ILKAP: variants seen among roughly 807,000 people sequenced by gnomAD.
ILKAP encodes the protein ILK associated serine/threonine phosphatase.
Under a neutral mutation model 49.1 loss-of-function variants are expected in ILKAP, and 11 were observed. The observed-to-expected ratio is 0.22, with a 90% CI of 0.14 to 0.37. The LOEUF (loss-of-function observed/expected upper bound fraction) is 0.37. ILKAP is among the 10% of genes least tolerant of loss of function. The pLI is 1.00. For missense variants in ILKAP, 363 were observed against 510.8 expected, an observed-to-expected ratio of 0.71 and a Z score of 2.79; for synonymous variants, 186 against 192.8, an observed-to-expected ratio of 0.96 and a Z score of 0.29.
chr2:238,170,488 G>A lies in ILKAP; in HGVS notation c.*48C>T. 6.5e-7 allele frequency: 1 copy of A among 1,544,904 alleles called. No homozygotes were observed. The highest frequency in any genetic ancestry group is 8.8e-7 in the Non-Finnish European group (1 of 1,140,208). ...CACACAATGTGCACACACACAAAAT[G>A]AACCTTTTAAGTCAATACCATGCGT... On this transcript the variant is annotated 3_prime_UTR_variant, in exon 12 of 12. Coordinates refer to ENST00000254654, the MANE Select transcript of ILKAP (RefSeq NM_030768.3).
rs1254975008 is a variant in ILKAP at position 238,183,790 on chromosome 2, T to C, written c.627-50A>G. On this transcript the variant is annotated intron_variant, in intron 7 of 11. Transcript: ENST00000254654. ...CAGTCACCACCAATAGCCCAGCACT[T>C]TGAGACTAATTTCCAGAGCTCAATG... The C allele has an allele frequency of 1.2e-5, 16 of 1,352,004 alleles. No homozygotes were observed. In the African/African-American group the frequency reaches 1.9e-4, roughly 16 times the overall value. 83.8% of individuals were successfully genotyped at this position (1,352,004 alleles called of 1,614,324 possible).
At chr2:238,175,608 G>A (rs1693415703) in intron 9 of ILKAP, among the ~76,000 whole-genome samples, 1 of 152,168 alleles carries the variant, frequency 6.6e-6, no homozygotes, top group Non-Finnish European at 1.5e-5. Flanking sequence ...CAATCACAGA[G>A]TCCCATCTCT....
At chr2:238,178,422 G>A (rs1253661370) in intron 9 of ILKAP, among the ~76,000 whole-genome samples, 3 of 152,138 alleles carry the variant, frequency 2.0e-5, no homozygotes, top group African/African-American at 4.8e-5. Context: ...CTCCTGACGT[G>A]GAGCGATCCT....
intron 1 of ILKAP, 96 bp downstream of exon 1, chr2:238,203,379 GCAGCCCGCGCCGCCCGCCGCCTCC>G (rs1298965524): frequency 2.4e-5 from 7 of 289,000 alleles, no homozygotes; most frequent in Non-Finnish European, 3.9e-5. Flanking sequence ...CAGGCCCCGT[GCAGCCCGCGCCGCCCGCCGCCTCC>G]CAGCGCGGGC....
intron 1 of ILKAP, among the ~76,000 whole-genome samples, chr2:238,197,022 C>A (rs1481086516): frequency 6.6e-6 from 1 of 152,148 alleles, no homozygotes; most frequent in African/African-American, 2.4e-5. Flanking sequence ...CATGGTGAAA[C>A]CCTGTCTCTC....
At chr2:238,196,043 C>CAAAAAAAA (rs71043116) in intron 1 of ILKAP, among the ~76,000 whole-genome samples, 10 of 67,840 alleles carry the variant, frequency 1.5e-4, no homozygotes, top group African/African-American at 2.5e-4. Context: ...GACTCTGTCA[C>CAAAAAAAA]AAAAAAAAAA....
At chr2:238,174,485 T>C (rs556962524) in intron 9 of ILKAP, among the ~76,000 whole-genome samples, 22 of 152,338 alleles carry the variant, frequency 1.4e-4, no homozygotes, top group African/African-American at 5.3e-4. Context: ...ATGCCACGGC[T>C]GCGCATGGGC....
At chr2:238,187,523 A>G (rs751105463) in intron 5 of ILKAP, among the ~76,000 whole-genome samples, 13 of 152,054 alleles carry the variant, frequency 8.5e-5, no homozygotes, top group Non-Finnish European at 1.5e-4. Context: ...CAGGCCCAAG[A>G]GCTTATCCAG....
At chr2:238,183,136 C>A (rs1693765078) in intron 8 of ILKAP, among the ~76,000 whole-genome samples, 1 of 152,162 alleles carries the variant, frequency 6.6e-6, no homozygotes, top group Non-Finnish European at 1.5e-5. Flanking sequence ...ACGACTGTCA[C>A]CAGGGGGAAC....
intron 1 of ILKAP, among the ~76,000 whole-genome samples, chr2:238,203,073 G>A (rs1694639466): frequency 6.6e-6 from 1 of 151,844 alleles, no homozygotes; most frequent in Non-Finnish European, 1.5e-5. Context: ...ACAGCCCGCG[G>A]GTGAAGTGCG....
At chr2:238,184,481 C>A in intron 6 of ILKAP, among the ~76,000 whole-genome samples, 1 of 152,168 alleles carries the variant, frequency 6.6e-6, no homozygotes. Flanking sequence ...GTCACCAGGG[C>A]TGGCCATTTT....
rs1693366435 is a variant in ILKAP at position 238,174,579 on chromosome 2, T to C, written c.837-926A>G. Among the ~76,000 whole-genome samples, 3 of 152,174 alleles carry C rather than the reference T, an allele frequency of 2.0e-5. 1 individual carries two copies. The South Asian group carries it at 6.2e-4, about 32-fold the overall frequency. ...GCAGATGGCTGCACATGGTAGGAAATGCTTCCTGGGCTGCTGTCCTAAAGG... is the reference window on the plus strand; with the variant it reads ...GCAGATGGCTGCACATGGTAGGAAACGCTTCCTGGGCTGCTGTCCTAAAGG... On this transcript the variant is annotated intron_variant, in intron 9 of 11. Transcript: ENST00000254654.
In ILKAP at chr2:238,173,579, G is replaced by GTGA. The variant is rs1278220992; in HGVS notation, c.908_910dup (p.Val303_Thr304insIle). ...GCAGCGTCTGATGTCGGGCACAGAG[G>GTGA]TGACACCGCAGCGCTTGTACTGCCC... On this transcript the variant is annotated inframe_insertion, in exon 10 of 12. Coordinates refer to ENST00000254654, the MANE Select transcript of ILKAP (RefSeq NM_030768.3). 2 of 1,614,014 alleles carry GTGA rather than the reference G, an allele frequency of 1.2e-6. No homozygotes were observed. Among genetic ancestry groups the GTGA allele is most frequent in the Non-Finnish European group, 1.7e-6 (2 of 1,179,918 alleles).
At chr2:238,198,672 A>G (rs1422950979) in intron 1 of ILKAP, among the ~76,000 whole-genome samples, 1 of 152,208 alleles carries the variant, frequency 6.6e-6, no homozygotes, top group African/African-American at 2.4e-5. Context: ...CCTAATAAGA[A>G]TACAAGACTA....
chr2:238,178,765 T>C (rs59010080), intron 9 of ILKAP, among the ~76,000 whole-genome samples: 1 of 151,774 alleles, frequency 6.6e-6, no homozygotes, highest in East Asian at 1.9e-4. Context: ...TTTAAAAAAA[T>C]TTATTCCCTA....
chr2:238,186,115 T>C (rs1483461370), intron 5 of ILKAP: 2 of 152,222 alleles, frequency 1.3e-5, no homozygotes, highest in African/African-American at 4.8e-5. Flanking sequence ...TTAACAGAAA[T>C]GCATTGTTAG....
In ILKAP at chr2:238,173,574, C is replaced by T. The variant is rs150772419; in HGVS notation, c.916G>A (p.Val306Met). ...AGCTGGCAGCGTCTGATGTCGGGCACAGAGGTGACACCGCAGCGCTTGTAC... is the reference window on the plus strand; with the variant it reads ...AGCTGGCAGCGTCTGATGTCGGGCATAGAGGTGACACCGCAGCGCTTGTAC... ...GQYKRCGVTSVPDIRRCQLTP... is the reference protein window; with the variant it reads ...GQYKRCGVTSMPDIRRCQLTP... Residue 306 changes from valine to methionine, a missense_variant, in exon 10 of 12, where the codon GTG (valine) becomes ATG (methionine). Physicochemically the swap from Val to Met is conservative, Grantham distance 21. This residue lies in a region of ILKAP where 166 missense variants were observed against 307.3 expected (regional missense o/e 0.54). Coordinates refer to ENST00000254654, the MANE Select transcript of ILKAP (RefSeq NM_030768.3). The T allele has an allele frequency of 1.2e-6, 2 of 1,613,968 alleles. No individual in the cohort carries two copies. The highest frequency in any genetic ancestry group is 4.5e-5 in the East Asian group (2 of 44,876).
intron 3 of ILKAP, 67 bp downstream of exon 3, chr2:238,194,208 A>G: frequency 7.2e-7 from 1 of 1,391,284 alleles, no homozygotes; most frequent in Non-Finnish European, 1.0e-6. Flanking sequence ...CTATACATAA[A>G]TTTCACATAA....
intron 3 of ILKAP, among the ~76,000 whole-genome samples, chr2:238,191,031 T>C (rs2106337718): frequency 6.6e-6 from 1 of 152,346 alleles, no homozygotes; most frequent in African/African-American, 2.4e-5. Flanking sequence ...CACAGTTTAC[T>C]GCAGCCTCCA....
Sources: gnomAD v4.1 joint callset for allele counts (sites outside exome capture counted in the v4.1 genomes callset) on GRCh38, gnomAD v4.1.1 for gene constraint, gnomAD v4.1.1 regional missense constraint, MANE v1.5 for transcripts, NCBI Gene and HGNC (gene_info 2026-07-23, HGNC 2026-07-21) for gene names.